The following LINGO2 variants were observed in gnomAD, a reference collection of about 807,000 sequenced individuals.
LINGO2 encodes the protein leucine rich repeat and Ig domain containing 2.
A neutral mutation model predicts 30.6 loss-of-function variants in LINGO2; 14 were observed. The observed-to-expected ratio is 0.46, with a 90% confidence interval of 0.30 to 0.72. The LOEUF (loss-of-function observed/expected upper bound fraction) is 0.72, where lower values mean the gene tolerates loss of function less well. Ranked by LOEUF, LINGO2 falls within the 30% of genes least tolerant of loss-of-function variation. LINGO2 has a pLI of 0.07. For missense variants in LINGO2, 729 were observed against 751.7 expected, an observed-to-expected ratio of 0.97 and a Z score of 0.35; for synonymous variants, 317 against 288.5, an observed-to-expected ratio of 1.10 and a Z score of -1.00.
chr9:29,013,666 C>T, the LINGO2 span, among the ~76,000 whole-genome samples: 2 of 152,186 alleles, frequency 1.3e-5, no homozygotes, highest in Admixed American at 1.3e-4. Flanking sequence ...ATGAAAAGGG[C>T]TTCAGCTCAG....
the LINGO2 span, among the ~76,000 whole-genome samples, chr9:29,011,372 T>C: frequency 6.8e-6 from 1 of 148,148 alleles, no homozygotes; most frequent in African/African-American, 2.5e-5. Flanking sequence ...CATTCACCAC[T>C]GTTCCCAGGG....
chr9:28,859,921 A>C, the LINGO2 span, among the ~76,000 whole-genome samples: 47 of 152,156 alleles, frequency 3.1e-4, no homozygotes, highest in South Asian at 8.1e-3. Flanking sequence ...AAAAATATTT[A>C]AACTCCACAA....
At chr9:28,762,625 T>C in the LINGO2 span, among the ~76,000 whole-genome samples, 1 of 152,054 alleles carries the variant, frequency 6.6e-6, no homozygotes, top group African/African-American at 2.4e-5. Context: ...GGACACTTGC[T>C]GCTGCCTAGA....
chr9:28,587,615 G>A (rs755217052), intron 1 of LINGO2, among the ~76,000 whole-genome samples: 1 of 151,908 alleles, frequency 6.6e-6, no homozygotes, highest in East Asian at 2.0e-4. Context: ...GTCTCCTCCT[G>A]TCATGACTCT....
intron 1 of LINGO2, among the ~76,000 whole-genome samples, chr9:28,583,520 C>T (rs988912499): frequency 6.6e-6 from 1 of 151,894 alleles, no homozygotes; most frequent in African/African-American, 2.4e-5. Context: ...CTACTGTAAG[C>T]AAAACTGTTT....
intron 4 of LINGO2, among the ~76,000 whole-genome samples, chr9:28,073,168 G>A (rs2133183415): frequency 6.6e-6 from 1 of 152,040 alleles, no homozygotes; most frequent in Non-Finnish European, 1.5e-5. Context: ...CTTCTGTAAG[G>A]CTTACCAGCA....
the LINGO2 span, among the ~76,000 whole-genome samples, chr9:29,038,199 T>C: frequency 6.6e-6 from 1 of 152,056 alleles, no homozygotes; most frequent in Admixed American, 6.6e-5. Context: ...CGTCCAACTG[T>C]TTCCAAAGTG....
chr9:28,848,291 A>G, the LINGO2 span, among the ~76,000 whole-genome samples: 7,953 of 72,428 alleles, frequency 0.11, 643 homozygotes, highest in African/African-American at 0.22. Flanking sequence ...CACTATGCAT[A>G]TATATATACT....
chr9:29,190,515 G>C, the LINGO2 span, among the ~76,000 whole-genome samples: 1 of 151,992 alleles, frequency 6.6e-6, no homozygotes, highest in Non-Finnish European at 1.5e-5. Flanking sequence ...GTTATTCCCA[G>C]TGTTTTTCTG....
intron 4 of LINGO2, among the ~76,000 whole-genome samples, chr9:28,100,788 A>G (rs1286669894): frequency 1.3e-5 from 2 of 152,132 alleles, no homozygotes; most frequent in African/African-American, 4.8e-5. Context: ...CTATCCCACA[A>G]AATCCTTCAA....
intron 1 of LINGO2, among the ~76,000 whole-genome samples, chr9:28,521,622 C>T (rs1437378282): frequency 6.6e-6 from 1 of 152,096 alleles, no homozygotes; most frequent in Non-Finnish European, 1.5e-5. Flanking sequence ...TAGAAAGAAA[C>T]TAGAATATGC....
downstream of LINGO2, chr9:27,948,064 T>TA (rs1823437131): frequency 6.6e-6 from 1 of 152,212 alleles, no homozygotes; most frequent in South Asian, 2.1e-4. Context: ...ATTACAAGTA[T>TA]AAAAAATATT....
At chr9:28,363,953 T>C (rs1820553240) in intron 3 of LINGO2, among the ~76,000 whole-genome samples, 1 of 151,436 alleles carries the variant, frequency 6.6e-6, no homozygotes, top group Non-Finnish European at 1.5e-5. Context: ...AAAATATTTG[T>C]TGTAATTGCA....
chr9:27,993,982 CTAAAAA>C (rs1167507881), intron 5 of LINGO2, among the ~76,000 whole-genome samples: 2 of 150,482 alleles, frequency 1.3e-5, no homozygotes, highest in Non-Finnish European at 3.0e-5. Flanking sequence ...TGGAATAAAA[CTAAAAA>C]TAACGAGGAA....
intron 3 of LINGO2, among the ~76,000 whole-genome samples, chr9:28,301,472 A>T (rs1038571406): frequency 2.6e-5 from 4 of 152,150 alleles, no homozygotes; most frequent in Admixed American, 6.5e-5. Context: ...GTTGTTGATA[A>T]TGTGGGTTCT....
rs1233040079 is a variant in LINGO2, at chr9:28,148,598, A to C, written c.-86-136193T>G. ...CTTCACTTCCTCCTGGTACAATCCCAGGCCCTTGGAGGGAAATGTCCACCT... is the reference window on the plus strand; with the variant it reads ...CTTCACTTCCTCCTGGTACAATCCCCGGCCCTTGGAGGGAAATGTCCACCT... On this transcript the variant is annotated intron_variant, in intron 4 of 5. Transcript: ENST00000379992. This position sits in a 1 kb window ranked among gnomAD's most constrained non-coding sequence, Gnocchi z 5.1. 6.6e-7 allele frequency: 1 copy of C among 1,508,584 alleles called. No homozygotes were observed. Among genetic ancestry groups the C allele is most frequent in the African/African-American group, 1.4e-5 (1 of 72,492 alleles). 93.4% of individuals were successfully genotyped at this position (1,508,584 alleles called of 1,614,324 possible). A position where few individuals can be genotyped will look rare whatever the true frequency, so the allele number is the denominator to read the frequency against.
chr9:28,054,484 T>G (rs1824825198), intron 4 of LINGO2, among the ~76,000 whole-genome samples: 2 of 152,150 alleles, frequency 1.3e-5, no homozygotes, highest in African/African-American at 4.8e-5. Flanking sequence ...AGACCTTAGC[T>G]AACGTAGTAT....
At chr9:28,677,833 A>C in the LINGO2 span, among the ~76,000 whole-genome samples, 3 of 152,096 alleles carry the variant, frequency 2.0e-5, no homozygotes, top group Non-Finnish European at 4.4e-5. Context: ...TAATGGTAGG[A>C]AGATCAGGCA....
At chr9:28,662,150 A>G (rs1828608932) in intron 1 of LINGO2, among the ~76,000 whole-genome samples, 1 of 152,114 alleles carries the variant, frequency 6.6e-6, no homozygotes, top group South Asian at 2.1e-4. Context: ...TGGAACATGC[A>G]CTCAGAGTCA....
Sources: gnomAD v4.1 joint callset for allele counts (sites outside exome capture counted in the v4.1 genomes callset) on GRCh38, gnomAD v4.1.1 for gene constraint, Gnocchi (gnomAD v3.1) non-coding constraint, MANE v1.5 for transcripts, NCBI Gene and HGNC (gene_info 2026-07-23, HGNC 2026-07-21) for gene names.